The following LRRTM4 variants were observed in gnomAD, a reference collection of about 807,000 sequenced individuals.
LRRTM4 encodes the protein leucine rich repeat transmembrane neuronal 4, also known as leucine-rich repeat transmembrane neuronal protein 4.
Under a neutral mutation model 47.6 loss-of-function variants are expected in LRRTM4, and 25 were observed. The ratio of observed to expected loss-of-function variants is 0.53; its 90% CI spans 0.38 to 0.73. The LOEUF (loss-of-function observed/expected upper bound fraction) is 0.73, where lower values mean the gene tolerates loss of function less well. LRRTM4 is among the 30% of genes least tolerant of loss of function. The pLI, the probability that LRRTM4 is intolerant of heterozygous loss-of-function variation, is 0.00. For missense variants in LRRTM4, 638 were observed against 713.4 expected (o/e 0.89, Z 1.20); for synonymous variants, 311 against 269.5 (o/e 1.15, Z -1.51).
chr2:77,105,821 A>G (rs898074494), intron 3 of LRRTM4, among the ~76,000 whole-genome samples: 8 of 152,234 alleles, frequency 5.3e-5, no homozygotes, highest in African/African-American at 1.9e-4. Flanking sequence ...ATGATACATG[A>G]GGTTTCATTG....
intron 3 of LRRTM4, among the ~76,000 whole-genome samples, chr2:77,035,974 AGT>A (rs1182906309): frequency 6.6e-6 from 1 of 151,814 alleles, no homozygotes; most frequent in Non-Finnish European, 1.5e-5. Context: ...AGAGTGTTAC[AGT>A]GTCTTACTCT....
chr2:76,866,741 A>G (rs1427380797), intron 3 of LRRTM4, among the ~76,000 whole-genome samples: 5 of 152,176 alleles, frequency 3.3e-5, no homozygotes, highest in African/African-American at 1.2e-4. Flanking sequence ...TACCCAGTCT[A>G]TCATTGATGG....
At chr2:77,216,986 TG>T (rs985829228) in intron 3 of LRRTM4, among the ~76,000 whole-genome samples, 5 of 149,150 alleles carry the variant, frequency 3.4e-5, no homozygotes, top group African/African-American at 5.0e-5. Context: ...GGCAGGAGAA[TG>T]GCGTGAACCT....
rs370633581 is a variant in LRRTM4 at position 76,896,213 on chromosome 2, AAC to A, written c.1552-147299_1552-147298del. 1.1e-4 allele frequency among the ~76,000 whole-genome samples: 17 copies of A among 150,996 alleles called. No individual in the cohort carries two copies. The East Asian group carries it at 1.4e-3, about 12-fold the overall frequency. On this transcript the variant is annotated intron_variant, in intron 3 of 3. Coordinates refer to ENST00000409884, the MANE Select transcript of LRRTM4 (RefSeq NM_001134745.3). ...TCTCCATCTCCTATGCACACACACA[AAC>A]ACACACACACACAGACACACGATTT...
At chr2:77,355,032 G>A (rs527850758) in intron 3 of LRRTM4, among the ~76,000 whole-genome samples, 12 of 152,216 alleles carry the variant, frequency 7.9e-5, no homozygotes, top group South Asian at 6.2e-4. Context: ...CTATTTTACC[G>A]AAATGTACTA....
Position 76,780,377 on chromosome 2 carries a change from C to G in LRRTM4, c.1552-31461G>C, listed in dbSNP as rs533401043. On this transcript the variant is annotated intron_variant, in intron 3 of 3. Coordinates refer to ENST00000409884, the MANE Select transcript of LRRTM4 (RefSeq NM_001134745.3). ...GTGTTTTCCAACTTGGTTCCATTCT[C>G]CCCATCACTTTCAGGTACACCAATC... Among the ~76,000 whole-genome samples the G allele has an allele frequency of 9.1e-4, 139 of 152,194 alleles. 2 individuals carry two copies. In the South Asian group the frequency reaches 0.012, roughly 13 times the overall value.
chr2:76,849,017 T>C lies in LRRTM4; in HGVS notation c.1552-100101A>G, dbSNP rs114714323. 3.6e-3 allele frequency among the ~76,000 whole-genome samples: 547 copies of C among 152,242 alleles called. 4 individuals carry two copies. Among genetic ancestry groups the C allele is most frequent in the Middle Eastern group, 0.017 (5 of 294 alleles). ...CATTCCCTGTTATACCAGATTTCTC[T>C]CTCTCCTCTCTTTTTCTTTCTCTCC... On this transcript the variant is annotated intron_variant, in intron 3 of 3. Transcript: ENST00000409884.
At chr2:76,816,520 A>G (rs546048482) in intron 3 of LRRTM4, among the ~76,000 whole-genome samples, 1 of 152,246 alleles carries the variant, frequency 6.6e-6, no homozygotes, top group Non-Finnish European at 1.5e-5. Context: ...ATCATAATCT[A>G]TAGAAGTGGA....
At chr2:77,139,143 T>C (rs1488932275) in intron 3 of LRRTM4, among the ~76,000 whole-genome samples, 2 of 152,108 alleles carry the variant, frequency 1.3e-5, no homozygotes, top group African/African-American at 4.8e-5. Context: ...ATCGTCCTGA[T>C]ACCAAAGGCT....
At chr2:76,815,448 C>T (rs1670871543) in intron 3 of LRRTM4, among the ~76,000 whole-genome samples, 1 of 152,026 alleles carries the variant, frequency 6.6e-6, no homozygotes, top group Non-Finnish European at 1.5e-5. Flanking sequence ...GGAAGTATGG[C>T]TGATATCAGC....
chr2:77,410,190 T>C (rs1480251431), intron 3 of LRRTM4, among the ~76,000 whole-genome samples: 1 of 152,118 alleles, frequency 6.6e-6, no homozygotes, highest in African/African-American at 2.4e-5. Flanking sequence ...AATCTACAGA[T>C]AAATATTTTC....
intron 3 of LRRTM4, among the ~76,000 whole-genome samples, chr2:77,043,335 G>A (rs1434022370): frequency 6.6e-6 from 1 of 151,738 alleles, no homozygotes; most frequent in Non-Finnish European, 1.5e-5. Flanking sequence ...GTTCAGAAGT[G>A]TTGTCCATAG....
At chr2:77,194,593 T>C (rs1220518473) in intron 3 of LRRTM4, among the ~76,000 whole-genome samples, 1 of 152,216 alleles carries the variant, frequency 6.6e-6, no homozygotes, top group African/African-American at 2.4e-5. Context: ...TCTTAAGAGC[T>C]TGCTGGTAAG....
chr2:77,320,023 G>GT (rs537653399), intron 3 of LRRTM4, among the ~76,000 whole-genome samples: 22 of 151,950 alleles, frequency 1.4e-4, no homozygotes, highest in African/African-American at 4.6e-4. Context: ...TCTAACTGTT[G>GT]TTTTTTTTAG....
At chr2:76,988,066 T>C (rs1676865453) in intron 3 of LRRTM4, among the ~76,000 whole-genome samples, 1 of 152,022 alleles carries the variant, frequency 6.6e-6, no homozygotes, top group Admixed American at 6.6e-5. Flanking sequence ...ACTTTCTTTA[T>C]ACTCTAGCTC....
intron 3 of LRRTM4, among the ~76,000 whole-genome samples, chr2:76,931,953 A>T (rs1300145025): frequency 6.6e-6 from 1 of 152,146 alleles, no homozygotes; most frequent in Non-Finnish European, 1.5e-5. Context: ...TTACTAAGTA[A>T]AAACAGGGTT....
At chr2:76,984,476 T>TA (rs1176697499) in intron 3 of LRRTM4, among the ~76,000 whole-genome samples, 1 of 151,988 alleles carries the variant, frequency 6.6e-6, no homozygotes, top group Non-Finnish European at 1.5e-5. Context: ...AGCTTACCGA[T>TA]ATGTATGCAT....
intron 3 of LRRTM4, among the ~76,000 whole-genome samples, chr2:76,777,493 T>G (rs1291210782): frequency 3.6e-5 from 5 of 138,986 alleles, no homozygotes; most frequent in African/African-American, 1.4e-4. Flanking sequence ...TAAGTTGGAT[T>G]CCTAGGTATT....
intron 3 of LRRTM4, among the ~76,000 whole-genome samples, chr2:76,968,381 T>C (rs565849715): frequency 0.029 from 3,370 of 116,156 alleles, 134 homozygotes; most frequent in African/African-American, 0.077. Flanking sequence ...TATATATATA[T>C]ATACACATAC....
Sources: allele counts gnomAD v4.1 joint callset (sites outside exome capture counted in the v4.1 genomes callset), GRCh38; gene constraint gnomAD v4.1.1; transcripts MANE v1.5; gene names NCBI Gene and HGNC (gene_info 2026-07-23, HGNC 2026-07-21).